UBE2E2: variants seen among roughly 807,000 people sequenced by gnomAD.
UBE2E2 encodes the protein ubiquitin conjugating enzyme E2 E2.
Under a neutral mutation model 24.7 loss-of-function variants are expected in UBE2E2, and 6 were observed. That is an observed-to-expected ratio of 0.24 (90% CI 0.13 to 0.48). UBE2E2 has a LOEUF of 0.48. UBE2E2 is among the 20% of genes least tolerant of loss of function. The pLI is 0.99. For synonymous variants in UBE2E2, 104 were observed against 83.6 expected, an observed-to-expected ratio of 1.24 and a Z score of -1.33; for missense variants, 169 against 245.0, an observed-to-expected ratio of 0.69 and a Z score of 2.07.
chr3:23,485,416 G>A (rs950760626), intron 3 of UBE2E2, among the ~76,000 whole-genome samples: 2 of 152,048 alleles, frequency 1.3e-5, no homozygotes, highest in Admixed American at 1.3e-4. Context: ...CCTCTTGTTG[G>A]CAATCAATCA....
intron 3 of UBE2E2, among the ~76,000 whole-genome samples, chr3:23,321,671 G>A (rs1313006664): frequency 6.8e-6 from 1 of 146,700 alleles, no homozygotes; most frequent in African/African-American, 2.5e-5. Context: ...GAATGCCATG[G>A]CTTCCCACTA....
chr3:23,309,579 A>G (rs1699321242), intron 3 of UBE2E2, among the ~76,000 whole-genome samples: 1 of 152,154 alleles, frequency 6.6e-6, no homozygotes. Flanking sequence ...TTGGGGTATC[A>G]TGAGGTTGTT....
chr3:23,528,718 T>A (rs1258655846), intron 4 of UBE2E2, among the ~76,000 whole-genome samples: 1 of 152,186 alleles, frequency 6.6e-6, no homozygotes, highest in Non-Finnish European at 1.5e-5. Context: ...CTCTTCCCTT[T>A]AGCATGCATC....
At chr3:23,396,227 C>T (rs550308794) in intron 3 of UBE2E2, among the ~76,000 whole-genome samples, 2 of 149,694 alleles carry the variant, frequency 1.3e-5, no homozygotes, top group Non-Finnish European at 3.0e-5. Flanking sequence ...GATAGAATAT[C>T]TTAAGAATGG....
chr3:23,531,088 T>G (rs918159603), intron 4 of UBE2E2, among the ~76,000 whole-genome samples: 1 of 152,206 alleles, frequency 6.6e-6, no homozygotes, highest in African/African-American at 2.4e-5. Context: ...CAGTTCTCAT[T>G]AGAAGTACTA....
At chr3:23,522,701 A>C (rs954439039) in intron 4 of UBE2E2, among the ~76,000 whole-genome samples, 20 of 152,214 alleles carry the variant, frequency 1.3e-4, no homozygotes, top group Non-Finnish European at 2.8e-4. Flanking sequence ...TTGAGATGTC[A>C]TCTGTAGGAG....
At chr3:23,558,689 A>G (rs1297052510) in intron 5 of UBE2E2, among the ~76,000 whole-genome samples, 1 of 152,190 alleles carries the variant, frequency 6.6e-6, no homozygotes, top group Non-Finnish European at 1.5e-5. Context: ...GCATTGGTCA[A>G]TGGGATATTG....
At chr3:23,386,167 G>A (rs1368663138) in intron 3 of UBE2E2, among the ~76,000 whole-genome samples, 1 of 152,146 alleles carries the variant, frequency 6.6e-6, no homozygotes, top group African/African-American at 2.4e-5. Context: ...CATAAACTGG[G>A]TGGCTTATAA....
chr3:23,303,592 T>A (rs1032417268), intron 3 of UBE2E2, among the ~76,000 whole-genome samples: 1 of 152,180 alleles, frequency 6.6e-6, no homozygotes, highest in Non-Finnish European at 1.5e-5. Flanking sequence ...AACATTACTC[T>A]TAGGTAATAA....
chr3:23,220,516 A>G (rs1330878729), intron 3 of UBE2E2, among the ~76,000 whole-genome samples: 1 of 152,204 alleles, frequency 6.6e-6, no homozygotes, highest in Non-Finnish European at 1.5e-5. Flanking sequence ...GAAATTTGGT[A>G]TATGCTTAGA....
At chr3:23,531,363 CATA>C (rs1171518517) in intron 4 of UBE2E2, among the ~76,000 whole-genome samples, 2 of 151,962 alleles carry the variant, frequency 1.3e-5, no homozygotes, top group Admixed American at 6.5e-5. Flanking sequence ...CATTTATGAA[CATA>C]ATATTAATCA....
intron 3 of UBE2E2, among the ~76,000 whole-genome samples, chr3:23,283,024 A>C (rs1698523719): frequency 6.6e-6 from 1 of 152,156 alleles, no homozygotes; most frequent in African/African-American, 2.4e-5. Flanking sequence ...ATTGATAGAA[A>C]CTAAACTTGA....
chr3:23,449,417 T>G (rs1052109915), intron 3 of UBE2E2, among the ~76,000 whole-genome samples: 2 of 152,234 alleles, frequency 1.3e-5, no homozygotes, highest in African/African-American at 4.8e-5. Flanking sequence ...AATTTAAATA[T>G]TTGCTTCTTA....
chr3:23,560,313 G>A (rs1366276930), intron 5 of UBE2E2, among the ~76,000 whole-genome samples: 2 of 149,212 alleles, frequency 1.3e-5, no homozygotes, highest in African/African-American at 2.5e-5. Context: ...GAGAACATGC[G>A]GTGTTTGGTT....
intron 3 of UBE2E2, among the ~76,000 whole-genome samples, chr3:23,486,481 A>G (rs893104577): frequency 6.6e-6 from 1 of 151,952 alleles, no homozygotes; most frequent in Non-Finnish European, 1.5e-5. Context: ...GGAGGAAAGC[A>G]TGTTTTCTCG....
At chr3:23,370,285 A>G (rs1382002055) in intron 3 of UBE2E2, among the ~76,000 whole-genome samples, 1 of 152,176 alleles carries the variant, frequency 6.6e-6, no homozygotes, top group Non-Finnish European at 1.5e-5. Context: ...ATTTTGAATC[A>G]CTTTCAACTT....
At chr3:23,270,699 A>G (rs1698217091) in intron 3 of UBE2E2, among the ~76,000 whole-genome samples, 1 of 152,208 alleles carries the variant, frequency 6.6e-6, no homozygotes, top group South Asian at 2.1e-4. Flanking sequence ...TGAATGGGTT[A>G]TTACTGGCAT....
chr3:23,476,044 C>G (rs1473016426), intron 3 of UBE2E2, among the ~76,000 whole-genome samples: 1 of 152,048 alleles, frequency 6.6e-6, no homozygotes, highest in Non-Finnish European at 1.5e-5. Context: ...GTTCACTTAT[C>G]TTTTCAAAAC....
chr3:23,491,717 G>T (rs779428036), intron 3 of UBE2E2, among the ~76,000 whole-genome samples: 15 of 152,178 alleles, frequency 9.9e-5, no homozygotes, highest in Non-Finnish European at 1.6e-4. Context: ...GGGCTTGATC[G>T]TGAAGAACCT....
Sources: gnomAD v4.1 joint callset for allele counts (sites outside exome capture counted in the v4.1 genomes callset) on GRCh38, gnomAD v4.1.1 for gene constraint, MANE v1.5 for transcripts, NCBI Gene and HGNC (gene_info 2026-07-23, HGNC 2026-07-21) for gene names.